LRRTM4: variants seen among roughly 807,000 people sequenced by gnomAD.
LRRTM4 encodes leucine rich repeat transmembrane neuronal 4.
A neutral mutation model predicts 47.6 loss-of-function variants in LRRTM4; 25 were observed. The ratio of observed to expected loss-of-function variants is 0.53; its 90% confidence interval spans 0.38 to 0.73. The LOEUF (loss-of-function observed/expected upper bound fraction) is 0.73. LRRTM4 is among the 30% of genes least tolerant of loss of function. The pLI is 0.00. For synonymous variants in LRRTM4, 311 were observed against 269.5 expected, an observed-to-expected ratio of 1.15 and a Z score of -1.51; for missense variants, 638 against 713.4, an observed-to-expected ratio of 0.89 and a Z score of 1.20.
At chr2:77,057,976 C>A (rs927747744) in intron 3 of LRRTM4, among the ~76,000 whole-genome samples, 2 of 152,156 alleles carry the variant, frequency 1.3e-5, no homozygotes, top group Non-Finnish European at 2.9e-5. Flanking sequence ...CTTGTTACTA[C>A]CAACTGGATT....
chr2:76,752,041 A>T (rs1235167628), intron 3 of LRRTM4, among the ~76,000 whole-genome samples: 1 of 152,198 alleles, frequency 6.6e-6, no homozygotes, highest in Non-Finnish European at 1.5e-5. Context: ...AAAGACATCA[A>T]CATGAACATT....
At chr2:77,316,314 A>G (rs1163327565) in intron 3 of LRRTM4, among the ~76,000 whole-genome samples, 2 of 152,214 alleles carry the variant, frequency 1.3e-5, no homozygotes, top group Non-Finnish European at 2.9e-5. Flanking sequence ...AATTAAAAAG[A>G]TAATCTGAGA....
chr2:77,222,822 A>T (rs575171138), intron 3 of LRRTM4, among the ~76,000 whole-genome samples: 1 of 152,302 alleles, frequency 6.6e-6, no homozygotes, highest in East Asian at 1.9e-4. Flanking sequence ...ATTCCAATCA[A>T]TAGAAAAAGA....
At chr2:77,043,125 C>G (rs185764313) in intron 3 of LRRTM4, among the ~76,000 whole-genome samples, 2 of 151,852 alleles carry the variant, frequency 1.3e-5, no homozygotes, top group Admixed American at 6.6e-5. Context: ...TTTTCTCTTT[C>G]TTTCCTGTTT....
intron 3 of LRRTM4, among the ~76,000 whole-genome samples, chr2:77,368,359 G>T (rs1209348348): frequency 6.6e-6 from 1 of 151,750 alleles, no homozygotes; most frequent in Non-Finnish European, 1.5e-5. Context: ...TATTAGAGGG[G>T]CATCCAGTTT....
chr2:76,908,596 A>G (rs1673936232), intron 3 of LRRTM4, among the ~76,000 whole-genome samples: 1 of 152,142 alleles, frequency 6.6e-6, no homozygotes, highest in Non-Finnish European at 1.5e-5. Context: ...AGAAAACCCC[A>G]TTGTCTCAGC....
intron 3 of LRRTM4, among the ~76,000 whole-genome samples, chr2:77,339,684 T>C (rs1195102442): frequency 6.6e-6 from 1 of 151,998 alleles, no homozygotes; most frequent in Non-Finnish European, 1.5e-5. Context: ...ATTCCCTCTC[T>C]TGAATGTAAT....
chr2:76,932,359 T>TC (rs1192878475), intron 3 of LRRTM4, among the ~76,000 whole-genome samples: 2 of 152,118 alleles, frequency 1.3e-5, no homozygotes. Context: ...ACTCCTTGTC[T>TC]CCTTCTTTCC....
chr2:77,069,300 CTAT>C (rs1680068574), intron 3 of LRRTM4, among the ~76,000 whole-genome samples: 1 of 151,822 alleles, frequency 6.6e-6, no homozygotes, highest in Non-Finnish European at 1.5e-5. Flanking sequence ...TATAATAATA[CTAT>C]TAACATACAT....
chr2:77,100,970 G>T (rs1261234754), intron 3 of LRRTM4, among the ~76,000 whole-genome samples: 2 of 151,418 alleles, frequency 1.3e-5, no homozygotes, highest in Admixed American at 1.3e-4. Flanking sequence ...CAAGTAGCTG[G>T]GATTACAGGC....
chr2:76,805,550 T>C (rs749881521), intron 3 of LRRTM4, among the ~76,000 whole-genome samples: 1 of 152,150 alleles, frequency 6.6e-6, no homozygotes, highest in South Asian at 2.1e-4. Context: ...ACTGAAAATA[T>C]ATTAAATTCT....
At chr2:77,230,201 A>T (rs1273957455) in intron 3 of LRRTM4, among the ~76,000 whole-genome samples, 1 of 152,150 alleles carries the variant, frequency 6.6e-6, no homozygotes, top group African/African-American at 2.4e-5. Context: ...CACCTATACT[A>T]AACAACCACA....
rs1473574717 is a variant in LRRTM4, at chr2:76,782,272, A to G, written c.1552-33356T>C. On this transcript the variant is annotated intron_variant, in intron 3 of 3. Coordinates refer to ENST00000409884, the MANE Select transcript of LRRTM4 (RefSeq NM_001134745.3). ...TTACAGTGGTCCTTACACTGGATTC[A>G]TTTATCTTGAAATGTCAGGCAACTA... is the stretch of plus-strand genomic sequence containing the variant. Among the ~76,000 whole-genome samples, 3 of 152,134 alleles carry G rather than the reference A, an allele frequency of 2.0e-5. No homozygotes were observed. The East Asian group carries it at 5.8e-4, about 29-fold the overall frequency.
intron 3 of LRRTM4, among the ~76,000 whole-genome samples, chr2:77,216,740 G>A (rs537398186): frequency 3.3e-5 from 5 of 151,784 alleles, no homozygotes; most frequent in Admixed American, 6.6e-5. Context: ...ATATTTCGGC[G>A]GCTTTCAGAC....
intron 3 of LRRTM4, among the ~76,000 whole-genome samples, chr2:76,777,520 A>G (rs1315230113): frequency 1.5e-3 from 179 of 121,372 alleles, no homozygotes; most frequent in East Asian, 3.4e-3. Flanking sequence ...TCTTTGAAGC[A>G]ATTGTGAATG....
Position 77,518,532 on chromosome 2 carries a change from G to A in LRRTM4, c.1337C>T (p.Ser446Phe). 1.2e-6 allele frequency: 2 copies of A among 1,613,340 alleles called. No homozygotes were observed. The highest frequency in any genetic ancestry group is 1.7e-6 in the Non-Finnish European group (2 of 1,179,590). The change falls in exon 3 of 4, where the codon TCT becomes TTT. Residue 446 changes from serine (S) to phenylalanine (F), a missense_variant. Coordinates refer to ENST00000409884, the MANE Select transcript of LRRTM4 (RefSeq NM_001134745.3). ...CATGCTGGCTGGGTAGCGTTTCCAA[G>A]ACACATAGATCACCAAGAGGATCAT... ...VAMILLVIYV[S>F]WKRYPASMKQ...
At chr2:76,880,163 A>C (rs926387110) in intron 3 of LRRTM4, among the ~76,000 whole-genome samples, 13 of 152,216 alleles carry the variant, frequency 8.5e-5, no homozygotes, top group African/African-American at 3.1e-4. Flanking sequence ...GGTTGACCCC[A>C]GTTTTGAAAG....
chr2:77,316,634 GCCTCCT>G (rs1677626768), intron 3 of LRRTM4, among the ~76,000 whole-genome samples: 2 of 151,274 alleles, frequency 1.3e-5, no homozygotes, highest in South Asian at 4.2e-4. Context: ...TGCAACCCCT[GCCTCCT>G]AGATTCAAGC....
intron 3 of LRRTM4, among the ~76,000 whole-genome samples, chr2:76,809,105 T>TA (rs998339805): frequency 4.6e-5 from 7 of 151,436 alleles, no homozygotes; most frequent in African/African-American, 1.5e-4. Flanking sequence ...GTTTATAGTA[T>TA]AAAAAAAAAT....
Sources: gnomAD v4.1 joint callset for allele counts (sites outside exome capture counted in the v4.1 genomes callset) on GRCh38, gnomAD v4.1.1 for gene constraint, MANE v1.5 for transcripts, NCBI Gene and HGNC (gene_info 2026-07-23, HGNC 2026-07-21) for gene names.